TET1: variants seen among roughly 807,000 people sequenced by gnomAD.
TET1 encodes the protein methylcytosine dioxygenase TET1.
TET1 carries 13 observed loss-of-function variants against 148.7 expected under a neutral mutation model. The observed-to-expected ratio is 0.09, with a 90% CI of 0.06 to 0.14. The LOEUF is 0.14. TET1 is among the 10% of genes least tolerant of loss of function. The probability of loss-of-function intolerance (pLI) is 1.00; values close to 1 mark genes in which losing one functional copy is unlikely to be tolerated. For synonymous variants in TET1, 907 were observed against 937.2 expected, an observed-to-expected ratio of 0.97 and a Z score of 0.59; for missense variants, 2,182 against 2,553.8, an observed-to-expected ratio of 0.85 and a Z score of 3.14.
chr10:68,624,662 C>CCTTCTTTCTTTCTTTCTT (rs2054441463), intron 3 of TET1, among the ~76,000 whole-genome samples: 1 of 81,200 alleles, frequency 1.2e-5, no homozygotes. Context: ...CTTTCTTTCT[C>CCTTCTTTCTTTCTTTCTT]TCTCTCTCTC....
intron 2 of TET1, among the ~76,000 whole-genome samples, chr10:68,579,910 A>G (rs939060253): frequency 1.3e-5 from 2 of 150,862 alleles, no homozygotes; most frequent in African/African-American, 4.9e-5. Flanking sequence ...TTTTTGAGAC[A>G]GACTCTCACA....
At chr10:68,689,358 T>G (rs992748750) in intron 11 of TET1, among the ~76,000 whole-genome samples, 9 of 152,308 alleles carry the variant, frequency 5.9e-5, no homozygotes, top group African/African-American at 2.2e-4. Context: ...GCTTTACCTT[T>G]TCTTGGTCCT....
chr10:68,634,321 A>G (rs1371572201), intron 3 of TET1, among the ~76,000 whole-genome samples: 1 of 152,228 alleles, frequency 6.6e-6, no homozygotes, highest in African/African-American at 2.4e-5. Context: ...CTATACTCCT[A>G]CAACTCACAG....
Position 68,611,734 on chromosome 10 carries a change from C to T in TET1, c.1968+10700C>T, listed in dbSNP as rs1014472405. On this transcript the variant is annotated intron_variant, in intron 3 of 11. Transcript: ENST00000373644. The stretch of plus-strand genomic sequence containing the variant: ...TTTTTTTTTTAGAGGGAGTCTCGCT[C>T]TGTTGCCCAGGCTGGAGTGTAATGG... 2.0e-5 allele frequency among the ~76,000 whole-genome samples: 3 copies of T among 146,882 alleles called. No individual in the cohort carries two copies. In the East Asian group the frequency reaches 6.0e-4, roughly 29 times the overall value.
chr10:68,564,973 T>C (rs1408929193), intron 1 of TET1, among the ~76,000 whole-genome samples: 1 of 152,112 alleles, frequency 6.6e-6, no homozygotes, highest in African/African-American at 2.4e-5. Flanking sequence ...TAGTTAGCGA[T>C]GATCACAGCA....
chr10:68,641,624 G>A (rs924889877), intron 3 of TET1, among the ~76,000 whole-genome samples: 2 of 151,594 alleles, frequency 1.3e-5, no homozygotes, highest in East Asian at 1.9e-4. Context: ...TCAGCTTCTC[G>A]AGTACCTGGG....
chr10:68,668,698 G>T (rs2055227469), intron 7 of TET1, among the ~76,000 whole-genome samples: 1 of 152,194 alleles, frequency 6.6e-6, no homozygotes, highest in Non-Finnish European at 1.5e-5. Context: ...TCCTGCCTCA[G>T]CCTCCTGAGT....
At chr10:68,635,853 ATAAAG>A (rs1238130680) in intron 3 of TET1, among the ~76,000 whole-genome samples, 3 of 152,182 alleles carry the variant, frequency 2.0e-5, no homozygotes, top group African/African-American at 7.2e-5. Context: ...CGAAGTGAAA[ATAAAG>A]TAGAGTCCTC....
intron 1 of TET1, among the ~76,000 whole-genome samples, chr10:68,569,166 C>CTTTTTTTTTTTTTTTTTT (rs34385747): frequency 2.6e-4 from 18 of 69,776 alleles, no homozygotes; most frequent in Non-Finnish European, 4.0e-4. Context: ...AGGAGAGTTT[C>CTTTTTTTTTTTTTTTTTT]TTTTTTTTTT....
At chr10:68,625,238 C>T (rs1390595250) in intron 3 of TET1, among the ~76,000 whole-genome samples, 2 of 152,154 alleles carry the variant, frequency 1.3e-5, no homozygotes, top group East Asian at 1.9e-4. Context: ...CCTTTGTTGA[C>T]TGTATTTGAT....
chr10:68,626,101 A>G (rs2054475346), intron 3 of TET1, among the ~76,000 whole-genome samples: 1 of 23,700 alleles, frequency 4.2e-5, no homozygotes, highest in Admixed American at 3.5e-4. Context: ...AAAAAAAGAA[A>G]AAAAAAAAGA....
intron 2 of TET1, among the ~76,000 whole-genome samples, chr10:68,588,073 G>A (rs1194940654): frequency 6.6e-6 from 1 of 152,104 alleles, no homozygotes; most frequent in African/African-American, 2.4e-5. Flanking sequence ...ATGTTGGTCA[G>A]GCGGGTCTTG....
At chr10:68,677,446 G>T (rs1310098580) in intron 8 of TET1, among the ~76,000 whole-genome samples, 1 of 152,186 alleles carries the variant, frequency 6.6e-6, no homozygotes, top group Non-Finnish European at 1.5e-5. Flanking sequence ...TTCCCAAAGT[G>T]CTCCATGCTT....
intron 6 of TET1, among the ~76,000 whole-genome samples, chr10:68,653,312 T>A (rs1440482296): frequency 6.6e-6 from 1 of 152,236 alleles, no homozygotes; most frequent in African/African-American, 2.4e-5. Context: ...TTTGTTTATA[T>A]GTGAGAATTC....
chr10:68,665,878 A>G (rs2055189770), intron 6 of TET1, among the ~76,000 whole-genome samples: 1 of 152,206 alleles, frequency 6.6e-6, no homozygotes, highest in South Asian at 2.1e-4. Flanking sequence ...ATCTGGAGTG[A>G]CAGAAGAAAG....
At chr10:68,667,298 T>C in intron 7 of TET1, 42 bp downstream of exon 7, 1 of 1,493,780 alleles carries the variant, frequency 6.7e-7, no homozygotes, top group Non-Finnish European at 9.1e-7. Context: ...TTCAGATCTC[T>C]ATTACATATT....
chr10:68,673,884 T>C (rs981072237), intron 8 of TET1, among the ~76,000 whole-genome samples: 2 of 151,598 alleles, frequency 1.3e-5, no homozygotes, highest in African/African-American at 4.8e-5. Flanking sequence ...TCAATGTAGT[T>C]ATTCTAAGAG....
chr10:68,646,415 T>C lies in TET1; in HGVS notation c.3686T>C (p.Ile1229Thr), dbSNP rs754104880. The C allele has an allele frequency of 2.0e-5, 33 of 1,614,056 alleles. No individual in the cohort carries two copies. The South Asian group carries it at 3.6e-4, about 18-fold the overall frequency. ...AAACCACTGGCTCAAACGAGGTCCA[T>C]TATGCAACCCAAAACAGTATTTCCA... ...IWKPLAQTRSIMQPKTVFPPL... is the reference protein window; with the variant it reads ...IWKPLAQTRSTMQPKTVFPPL... Residue 1229 changes from isoleucine (I) to threonine (T), a missense_variant, in exon 4 of 12, where the codon ATT becomes ACT. Around this residue, in one of 11 missense-constraint regions of TET1, gnomAD observed 582 missense variants for 599.5 expected, o/e 0.97. Transcript: ENST00000373644.
chr10:68,603,629 G>C (rs933635444), intron 3 of TET1, among the ~76,000 whole-genome samples: 2 of 151,970 alleles, frequency 1.3e-5, no homozygotes, highest in African/African-American at 2.4e-5. Flanking sequence ...AAATTAGCTG[G>C]GTGCGACGGT....
Sources: gnomAD v4.1 joint callset for allele counts (sites outside exome capture counted in the v4.1 genomes callset) on GRCh38, gnomAD v4.1.1 for gene constraint, gnomAD v4.1.1 regional missense constraint, MANE v1.5 for transcripts, NCBI Gene and HGNC (gene_info 2026-07-23, HGNC 2026-07-21) for gene names.